TNFRSF8: variants seen among roughly 807,000 people sequenced by gnomAD.
TNFRSF8 encodes TNF receptor superfamily member 8, also known as tumor necrosis factor receptor superfamily member 8.
Under a neutral mutation model 70.8 loss-of-function variants are expected in TNFRSF8, and 26 were observed. The ratio of observed to expected loss-of-function variants is 0.37; its 90% CI spans 0.27 to 0.51. The LOEUF (loss-of-function observed/expected upper bound fraction) is 0.51, where lower values mean the gene tolerates loss of function less well. TNFRSF8 is among the 20% of genes least tolerant of loss of function. TNFRSF8 has a pLI of 0.94. For missense variants in TNFRSF8, 720 were observed against 807.9 expected (o/e 0.89, Z 1.32); for synonymous variants, 356 against 339.2 (o/e 1.05, Z -0.54).
rs1641556792 is a variant in TNFRSF8 at position 12,108,014 on chromosome 1, A to G, written c.422-1552A>G. Among the ~76,000 whole-genome samples the G allele has an allele frequency of 6.6e-6, 1 of 151,618 alleles. No homozygotes were observed. Among genetic ancestry groups the G allele is most frequent in the South Asian group, 2.1e-4 (1 of 4,806 alleles). On this transcript the variant is annotated intron_variant, in intron 4 of 14. Coordinates refer to ENST00000263932, the MANE Select transcript of TNFRSF8 (RefSeq NM_001243.5). The surrounding 1 kb of genome is among the most constrained non-coding windows in gnomAD (Gnocchi z 4.0). ...ATGCCACAGAACACGAGAGGTCAGCATTGCTCGCGCTCACCTCCACGGAAA... is the reference window on the plus strand; with the variant it reads ...ATGCCACAGAACACGAGAGGTCAGCGTTGCTCGCGCTCACCTCCACGGAAA...
rs556657954 is a variant in TNFRSF8, at chr1:12,093,655, C to T, written c.152-3446C>T. Reference sequence around the variant, plus strand: ...TCCTGGGTTCAAGTGATTCTCCTGCCTCAGCCTCCCAGGTAGCTGGTATTA... The same window carrying T: ...TCCTGGGTTCAAGTGATTCTCCTGCTTCAGCCTCCCAGGTAGCTGGTATTA... On this transcript the variant is annotated intron_variant, in intron 2 of 14. Transcript: ENST00000263932. Among the ~76,000 whole-genome samples the T allele has an allele frequency of 4.6e-3, 694 of 152,214 alleles. 8 individuals are homozygous for T. The highest frequency in any genetic ancestry group is 0.016 in the African/African-American group (670 of 41,540).
chr1:12,117,968 A>G (rs926802371), intron 8 of TNFRSF8, among the ~76,000 whole-genome samples: 3 of 152,090 alleles, frequency 2.0e-5, no homozygotes, highest in African/African-American at 7.2e-5. Flanking sequence ...CTGTGTCTGA[A>G]TGTCTGCACT....
At chr1:12,081,505 T>G (rs1641062156) in intron 1 of TNFRSF8, among the ~76,000 whole-genome samples, 1 of 151,750 alleles carries the variant, frequency 6.6e-6, no homozygotes, top group Non-Finnish European at 1.5e-5. Context: ...GAGAGGACAC[T>G]CTCCTCTCCT....
chr1:12,103,644 AT>A (rs200497267), intron 3 of TNFRSF8, among the ~76,000 whole-genome samples: 9,823 of 148,260 alleles, frequency 0.066, 417 homozygotes, highest in Non-Finnish European at 0.092. Flanking sequence ...TAATTTTTGT[AT>A]TTTTTTTTTG....
chr1:12,111,875 A>G (rs750694784), intron 6 of TNFRSF8, 23 bp from the exon 7 acceptor site: 23 of 1,608,812 alleles, frequency 1.4e-5, no homozygotes, highest in East Asian at 1.1e-4. Flanking sequence ...CCTGGCCTGC[A>G]GCTTCTCTGC....
chr1:12,135,490 C>A, intron 12 of TNFRSF8, 98 bp from the exon 13 acceptor site: 1 of 1,552,258 alleles, frequency 6.4e-7, no homozygotes, highest in Non-Finnish European at 8.8e-7. Context: ...AGTTCAGCAC[C>A]ACCTGTGATC....
intron 3 of TNFRSF8, among the ~76,000 whole-genome samples, chr1:12,102,842 G>A (rs1332963600): frequency 6.7e-6 from 1 of 150,296 alleles, no homozygotes; most frequent in Non-Finnish European, 1.5e-5. Context: ...TACTTTTTAT[G>A]TCTGTTAACC....
chr1:12,112,229 G>A lies in TNFRSF8; in HGVS notation c.793+215G>A, dbSNP rs1641646353. 6.6e-6 allele frequency among the ~76,000 whole-genome samples: 1 copy of A among 152,186 alleles called. No homozygotes were observed. Among genetic ancestry groups the A allele is most frequent in the African/African-American group, 2.4e-5 (1 of 41,438 alleles). The stretch of plus-strand genomic sequence containing the variant: ...TCATCAATGTTTGTAACTACTCTGT[G>A]ATTCAAGCATTGTGATCATTCCCCT... On this transcript the variant is annotated intron_variant, in intron 7 of 14. Transcript: ENST00000263932. This position sits in a 1 kb window ranked among gnomAD's most constrained non-coding sequence, Gnocchi z 5.3.
intron 10 of TNFRSF8, among the ~76,000 whole-genome samples, chr1:12,124,859 A>AAAACAAAACAAAACT (rs1453041394): frequency 6.6e-6 from 1 of 151,054 alleles, no homozygotes; most frequent in Non-Finnish European, 1.5e-5. Flanking sequence ...AAAACAAAAC[A>AAAACAAAACAAAACT]AAACAAAACA....
chr1:12,072,076 CTT>C (rs1430185494), intron 1 of TNFRSF8, among the ~76,000 whole-genome samples: 4 of 152,180 alleles, frequency 2.6e-5, no homozygotes, highest in Admixed American at 2.6e-4. Context: ...TAGATGGTGA[CTT>C]GAGCAAGTTA....
intron 4 of TNFRSF8, among the ~76,000 whole-genome samples, chr1:12,106,084 G>A (rs562235403): frequency 6.6e-6 from 1 of 152,090 alleles, no homozygotes; most frequent in South Asian, 2.1e-4. Flanking sequence ...GGCTTTTAGC[G>A]GTTCTTGGCG....
chr1:12,078,343 C>T (rs1020110590), intron 1 of TNFRSF8, among the ~76,000 whole-genome samples: 1 of 152,004 alleles, frequency 6.6e-6, no homozygotes. Context: ...GTGGGTGGCT[C>T]ATTTGAGGTC....
chr1:12,076,775 G>A (rs1640974137), intron 1 of TNFRSF8, among the ~76,000 whole-genome samples: 1 of 152,194 alleles, frequency 6.6e-6, no homozygotes, highest in Admixed American at 6.5e-5. Flanking sequence ...TTAGTTTCAG[G>A]TAGTCTCTTG....
intron 2 of TNFRSF8, among the ~76,000 whole-genome samples, chr1:12,087,521 G>A (rs868801908): frequency 3.3e-5 from 5 of 152,056 alleles, no homozygotes; most frequent in Non-Finnish European, 5.9e-5. Flanking sequence ...CCTCCCCTCC[G>A]TCCCTACCTG....
intron 8 of TNFRSF8, 51 bp downstream of exon 8, chr1:12,115,780 C>G: frequency 6.3e-7 from 1 of 1,591,442 alleles, no homozygotes; most frequent in Non-Finnish European, 8.6e-7. Flanking sequence ...TCTGTGCCCC[C>G]ACTGTTGTGC....
At chr1:12,064,817 C>T (rs1640709319) in intron 1 of TNFRSF8, among the ~76,000 whole-genome samples, 1 of 152,194 alleles carries the variant, frequency 6.6e-6, no homozygotes, top group Admixed American at 6.5e-5. Flanking sequence ...TAGAGACACC[C>T]TGTCCCAGCT....
chr1:12,081,970 T>C (rs1171389498), intron 1 of TNFRSF8, among the ~76,000 whole-genome samples: 2 of 112,680 alleles, frequency 1.8e-5, no homozygotes, highest in East Asian at 4.1e-4. Flanking sequence ...CTGCTTCCCT[T>C]CTCTTGCCTC....
intron 2 of TNFRSF8, among the ~76,000 whole-genome samples, chr1:12,086,970 G>C (rs1641162516): frequency 6.6e-6 from 1 of 151,732 alleles, no homozygotes; most frequent in Non-Finnish European, 1.5e-5. Context: ...ACACAATTCA[G>C]TCCATAGCAC....
Position 12,115,618 on chromosome 1 carries a change from C to T in TNFRSF8, c.835C>T (p.Arg279Cys), listed in dbSNP as rs140175552. 1.7e-5 allele frequency: 28 copies of T among 1,614,056 alleles called. No individual in the cohort carries two copies. The East Asian group carries it at 1.8e-4, about 10-fold the overall frequency. The part of the protein sequence containing the change: ...EKTPCAWNSS[R>C]TCECRPGMIC... ...GACGCCATGTGCATGGAACTCCTCC[C>T]GCACCTGCGAATGTCGACCTGGCAT... The change falls in exon 8 of 15, where the codon CGC (arginine) becomes TGC (cysteine). Residue 279 changes from arginine (R) to cysteine (C), a missense_variant. Coordinates refer to ENST00000263932, the MANE Select transcript of TNFRSF8 (RefSeq NM_001243.5).
Sources: gnomAD v4.1 joint callset for allele counts (sites outside exome capture counted in the v4.1 genomes callset) on GRCh38, gnomAD v4.1.1 for gene constraint, Gnocchi (gnomAD v3.1) non-coding constraint, MANE v1.5 for transcripts, NCBI Gene and HGNC (gene_info 2026-07-23, HGNC 2026-07-21) for gene names.